TIAM1: variants seen among roughly 807,000 people sequenced by gnomAD.
TIAM1 encodes rho guanine nucleotide exchange factor TIAM1.
A neutral mutation model predicts 163.5 loss-of-function variants in TIAM1; 65 were observed. The observed-to-expected ratio is 0.40, with a 90% CI of 0.33 to 0.49. The LOEUF is 0.49. TIAM1 is among the 20% of genes least tolerant of loss of function. TIAM1 has a pLI of 0.77. For missense variants in TIAM1, 1,789 were observed against 2,044.7 expected (o/e 0.87, Z 2.41); for synonymous variants, 833 against 810.1 (o/e 1.03, Z -0.48).
At chr21:31,323,891 C>T (rs1021730397) in intron 2 of TIAM1, among the ~76,000 whole-genome samples, 1 of 151,652 alleles carries the variant, frequency 6.6e-6, no homozygotes, top group African/African-American at 2.4e-5. Flanking sequence ...GCTTGTAGTC[C>T]CAGCTACTCA....
intron 1 of TIAM1, among the ~76,000 whole-genome samples, chr21:31,477,474 A>ATTTT (rs58353334): frequency 0.015 from 1,946 of 132,144 alleles, 92 homozygotes; most frequent in African/African-American, 0.042. Context: ...AACTAAATGC[A>ATTTT]TTTTTTTTTT....
chr21:31,236,479 A>T (rs906342197), intron 6 of TIAM1, among the ~76,000 whole-genome samples: 1 of 152,178 alleles, frequency 6.6e-6, no homozygotes, highest in Admixed American at 6.5e-5. Context: ...TCAGCTTGTC[A>T]TATCAGTGGA....
intron 1 of TIAM1, among the ~76,000 whole-genome samples, chr21:31,515,771 A>G (rs978062268): frequency 6.6e-6 from 1 of 152,128 alleles, no homozygotes; most frequent in Admixed American, 6.6e-5. Context: ...GGAAAAATTA[A>G]TATGTGGCTC....
rs77549309 is a variant in TIAM1 at position 31,478,114 on chromosome 21, G to A, written c.-421-14079C>T. On this transcript the variant is annotated intron_variant, in intron 1 of 28. Transcript: ENST00000286827. ...CAGTGAAGTTTAAGGTTAGATTGCT[G>A]GCCTTATTGAGCAGGTGTGAACAGC... Among the ~76,000 whole-genome samples, 340 of 152,306 alleles carry A rather than the reference G, an allele frequency of 2.2e-3. 1 individual carries two copies. The highest frequency in any genetic ancestry group is 7.4e-3 in the African/African-American group (309 of 41,558).
chr21:31,428,353 T>C (rs1173322964), intron 2 of TIAM1, among the ~76,000 whole-genome samples: 1 of 152,176 alleles, frequency 6.6e-6, no homozygotes, highest in South Asian at 2.1e-4. Flanking sequence ...CCTTCCTATA[T>C]ATGTGTCAGC....
intron 2 of TIAM1, among the ~76,000 whole-genome samples, chr21:31,352,874 CAA>C (rs35370613): frequency 3.7e-4 from 45 of 122,822 alleles, no homozygotes; most frequent in Admixed American, 5.9e-4. Flanking sequence ...GACTCTGTCT[CAA>C]AAAAAAAAAA....
At chr21:31,195,365 T>C in intron 12 of TIAM1, 60 bp from the exon 13 acceptor site, 1 of 1,191,670 alleles carries the variant, frequency 8.4e-7, no homozygotes, top group Non-Finnish European at 1.2e-6. Flanking sequence ...TTAAAAATGG[T>C]CATCATTTCA....
At chr21:31,524,584 A>G (rs925039128) in intron 1 of TIAM1, among the ~76,000 whole-genome samples, 2 of 152,232 alleles carry the variant, frequency 1.3e-5, no homozygotes, top group African/African-American at 4.8e-5. Context: ...TTTGATCCTG[A>G]GAGCTTTGAA....
intron 14 of TIAM1, among the ~76,000 whole-genome samples, chr21:31,185,408 TTATA>T (rs957804196): frequency 8.0e-5 from 11 of 137,264 alleles, no homozygotes; most frequent in African/African-American, 2.7e-4. Context: ...TGCTATATAA[TTATA>T]TATAATTATG....
At chr21:31,349,229 G>A (rs530577971), upstream of TIAM1, among the ~76,000 whole-genome samples, 1 of 152,322 alleles carries the variant, frequency 6.6e-6, no homozygotes, top group East Asian at 1.9e-4. Flanking sequence ...ACAAGTCAAA[G>A]TCAACAGGGT....
chr21:31,508,778 C>CTATA (rs2147466195), intron 1 of TIAM1, among the ~76,000 whole-genome samples: 1 of 152,284 alleles, frequency 6.6e-6, no homozygotes, highest in African/African-American at 2.4e-5. Context: ...TGCCCTTAGA[C>CTATA]TATATCCGAG....
At chr21:31,146,225 G>A (rs1157763579) in intron 20 of TIAM1, among the ~76,000 whole-genome samples, 1 of 152,014 alleles carries the variant, frequency 6.6e-6, no homozygotes, top group African/African-American at 2.4e-5. Flanking sequence ...CTGAGGTCAG[G>A]AATTCAAGAC....
intron 8 of TIAM1, among the ~76,000 whole-genome samples, chr21:31,222,707 ATTTTTTTTTTTT>A (rs527864043): frequency 6.2e-3 from 202 of 32,820 alleles, no homozygotes; most frequent in African/African-American, 0.027. Context: ...ATATATATAT[ATTTTTTTTTTTT>A]TTTTTTTTTT....
intron 16 of TIAM1, among the ~76,000 whole-genome samples, chr21:31,161,151 A>T (rs2083903449): frequency 6.6e-6 from 1 of 152,116 alleles, no homozygotes; most frequent in Non-Finnish European, 1.5e-5. Flanking sequence ...GACAAAAACA[A>T]TATGGATGAG....
intron 1 of TIAM1, among the ~76,000 whole-genome samples, chr21:31,544,893 T>G (rs973623499): frequency 1.3e-5 from 2 of 151,108 alleles, no homozygotes; most frequent in South Asian, 2.1e-4. Flanking sequence ...TGCGCCTGTA[T>G]TCCCAGCTTC....
chr21:31,446,274 G>C (rs767234939), intron 2 of TIAM1, among the ~76,000 whole-genome samples: 4 of 152,082 alleles, frequency 2.6e-5, no homozygotes, highest in Admixed American at 6.6e-5. Flanking sequence ...CCTACCATTG[G>C]CTGAAATTTC....
intron 1 of TIAM1, among the ~76,000 whole-genome samples, chr21:31,465,145 C>T (rs13047799): frequency 0.093 from 14,059 of 151,438 alleles, 898 homozygotes; most frequent in East Asian, 0.14. Context: ...CTGCAGTGAA[C>T]GGTGATTGCG....
intron 12 of TIAM1, among the ~76,000 whole-genome samples, chr21:31,199,328 C>T (rs192763684): frequency 4.3e-4 from 65 of 152,230 alleles, no homozygotes; most frequent in African/African-American, 1.4e-3. Flanking sequence ...CTTTCAAAGC[C>T]GACAATGCCC....
chr21:31,122,556 TATAGA>T (rs1372963562), intron 27 of TIAM1, among the ~76,000 whole-genome samples: 5 of 152,210 alleles, frequency 3.3e-5, no homozygotes, highest in African/African-American at 1.2e-4. Context: ...AGAAAAACAT[TATAGA>T]ATATAGATGG....
Sources: allele counts gnomAD v4.1 joint callset (sites outside exome capture counted in the v4.1 genomes callset), GRCh38; gene constraint gnomAD v4.1.1; transcripts MANE v1.5; gene names NCBI Gene and HGNC (gene_info 2026-07-23, HGNC 2026-07-21).